PPP2R2B: variants seen among roughly 807,000 people sequenced by gnomAD.
PPP2R2B encodes serine/threonine-protein phosphatase 2A 55 kDa regulatory subunit B beta isoform.
A neutral mutation model predicts 46.0 loss-of-function variants in PPP2R2B; 5 were observed. The observed-to-expected ratio is 0.11, with a 90% CI of 0.06 to 0.23. The LOEUF (loss-of-function observed/expected upper bound fraction) is 0.23. PPP2R2B is among the 10% of genes least tolerant of loss of function. The pLI is 1.00. For missense variants in PPP2R2B, 367 were observed against 575.0 expected, an observed-to-expected ratio of 0.64 and a Z score of 3.70; for synonymous variants, 215 against 206.7, an observed-to-expected ratio of 1.04 and a Z score of -0.34.
chr5:146,670,512 T>TTTAC (rs1167002567), intron 5 of PPP2R2B, among the ~76,000 whole-genome samples: 1 of 150,352 alleles, frequency 6.7e-6, no homozygotes, highest in Non-Finnish European at 1.5e-5. Context: ...TATTTATTTA[T>TTTAC]TGAGACAGAA....
chr5:146,935,858 T>C (rs1764122695), intron 1 of PPP2R2B, among the ~76,000 whole-genome samples: 1 of 152,292 alleles, frequency 6.6e-6, no homozygotes, highest in South Asian at 2.1e-4. Flanking sequence ...TGGACTCAGA[T>C]AGAGCTGGGT....
chr5:146,842,962 G>A lies in PPP2R2B; in HGVS notation c.70+35040C>T, dbSNP rs150255514. On this transcript the variant is annotated intron_variant, in intron 2 of 9. Coordinates refer to ENST00000394411, the MANE Select transcript of PPP2R2B (RefSeq NM_181675.4). ...CCAGAACTTTGGGAGGCCGAGGCGG[G>A]TGGATCACCTCAGGTCAGGATTTTG... Among the ~76,000 whole-genome samples the A allele has an allele frequency of 6.8e-3, 1,034 of 152,370 alleles. 13 individuals are homozygous for A. The highest frequency in any genetic ancestry group is 0.024 in the African/African-American group (985 of 41,598).
intron 1 of PPP2R2B, among the ~76,000 whole-genome samples, chr5:146,947,631 C>A (rs1166563822): frequency 2.0e-5 from 3 of 151,930 alleles, no homozygotes; most frequent in African/African-American, 7.2e-5. Flanking sequence ...CTGGGGCCAG[C>A]CCTATTTTGT....
intron 7 of PPP2R2B, among the ~76,000 whole-genome samples, chr5:146,618,442 G>T (rs116724959): frequency 6.6e-6 from 1 of 152,206 alleles, no homozygotes; most frequent in Non-Finnish European, 1.5e-5. Flanking sequence ...CTGTAAGGAC[G>T]TTAATCAATT....
chr5:146,877,237 G>A (rs952207632), intron 2 of PPP2R2B, among the ~76,000 whole-genome samples: 3 of 152,170 alleles, frequency 2.0e-5, no homozygotes, highest in African/African-American at 7.2e-5. Flanking sequence ...GCTTATGTCA[G>A]AACAAGCTGG....
intron 1 of PPP2R2B, among the ~76,000 whole-genome samples, chr5:146,888,231 GA>G (rs1311596738): frequency 2.0e-5 from 3 of 152,002 alleles, no homozygotes; most frequent in Non-Finnish European, 4.4e-5. Flanking sequence ...CCTCTCCCCA[GA>G]CCTCCAGAGC....
At chr5:146,619,549 C>G (rs1773502724) in intron 7 of PPP2R2B, among the ~76,000 whole-genome samples, 1 of 152,188 alleles carries the variant, frequency 6.6e-6, no homozygotes, top group African/African-American at 2.4e-5. Flanking sequence ...AAATGGGGCT[C>G]CAGCACAGCC....
intron 1 of PPP2R2B, among the ~76,000 whole-genome samples, chr5:146,992,923 G>A (rs1038858771): frequency 5.3e-5 from 8 of 152,114 alleles, no homozygotes; most frequent in Non-Finnish European, 2.9e-5. Context: ...CTTTATTCTG[G>A]TGATGAAAAA....
intron 2 of PPP2R2B, among the ~76,000 whole-genome samples, chr5:146,723,138 C>G (rs755559596): frequency 6.6e-6 from 1 of 152,176 alleles, no homozygotes; most frequent in Non-Finnish European, 1.5e-5. Context: ...TATTTGTTGG[C>G]CTCCTCATTG....
chr5:146,878,297 C>G lies in PPP2R2B; in HGVS notation c.-124-102G>C. 3 of 1,455,934 alleles carry G rather than the reference C, an allele frequency of 2.1e-6. No individual in the cohort carries two copies. The highest frequency in any genetic ancestry group is 2.7e-6 in the Non-Finnish European group (3 of 1,109,960). The allele number at this position is 1,455,934 out of a possible 1,614,324, so 90.2% of individuals were successfully genotyped here. On this transcript the variant is annotated intron_variant, in intron 1 of 9. Transcript: ENST00000394411. This position sits in a 1 kb window ranked among gnomAD's most constrained non-coding sequence, Gnocchi z 4.5. ...TCTGCGAGGCTGCGGCGGCTCCTCC[C>G]GCGCGGTGCGCTCACTCCAGCTCCA...
intron 2 of PPP2R2B, among the ~76,000 whole-genome samples, chr5:146,853,106 C>A (rs1273172221): frequency 6.6e-6 from 1 of 152,024 alleles, no homozygotes; most frequent in Non-Finnish European, 1.5e-5. Flanking sequence ...AGGAGCAAAC[C>A]CATGGTCCAA....
At chr5:146,926,439 G>A (rs1254100847) in intron 1 of PPP2R2B, among the ~76,000 whole-genome samples, 1 of 151,796 alleles carries the variant, frequency 6.6e-6, no homozygotes, top group Non-Finnish European at 1.5e-5. Context: ...GTGTCACCCA[G>A]GCAGTGCAGT....
At chr5:147,045,153 A>C (rs1307986962) in intron 1 of PPP2R2B, among the ~76,000 whole-genome samples, 1 of 152,200 alleles carries the variant, frequency 6.6e-6, no homozygotes, top group Admixed American at 6.5e-5. Flanking sequence ...ACAACTCTAC[A>C]TAATGTAACA....
chr5:146,739,887 A>C (rs913641840), intron 2 of PPP2R2B, among the ~76,000 whole-genome samples: 3 of 152,210 alleles, frequency 2.0e-5, no homozygotes, highest in Non-Finnish European at 4.4e-5. Context: ...AATCCTTTGT[A>C]GATTTGAGGG....
intron 1 of PPP2R2B, among the ~76,000 whole-genome samples, chr5:146,893,711 T>C (rs989458045): frequency 6.6e-6 from 1 of 151,938 alleles, no homozygotes; most frequent in Non-Finnish European, 1.5e-5. Flanking sequence ...CCAGAGGCTG[T>C]CAGTGGGTGG....
intron 1 of PPP2R2B, among the ~76,000 whole-genome samples, chr5:146,960,773 A>G (rs1752136170): frequency 6.6e-6 from 1 of 152,196 alleles, no homozygotes; most frequent in Non-Finnish European, 1.5e-5. Context: ...GAGGAAAAGT[A>G]GTAACTTTTA....
intron 2 of PPP2R2B, among the ~76,000 whole-genome samples, chr5:146,836,094 T>A (rs1759266025): frequency 1.3e-5 from 2 of 152,224 alleles, no homozygotes; most frequent in South Asian, 4.1e-4. Flanking sequence ...TATTACTTTA[T>A]CTTATCATTT....
chr5:146,641,714 C>T (rs1775234407), intron 6 of PPP2R2B, among the ~76,000 whole-genome samples: 2 of 152,084 alleles, frequency 1.3e-5, no homozygotes, highest in African/African-American at 4.8e-5. Context: ...TTCCCCTGCA[C>T]AACTCTAAAG....
At chr5:146,800,739 G>C (rs1756812476) in intron 2 of PPP2R2B, among the ~76,000 whole-genome samples, 1 of 151,940 alleles carries the variant, frequency 6.6e-6, no homozygotes, top group Admixed American at 6.6e-5. Flanking sequence ...CTTGGATGGG[G>C]TAGGAATGAC....
Sources: gnomAD v4.1 joint callset for allele counts (sites outside exome capture counted in the v4.1 genomes callset) on GRCh38, gnomAD v4.1.1 for gene constraint, Gnocchi (gnomAD v3.1) non-coding constraint, MANE v1.5 for transcripts, NCBI Gene and HGNC (gene_info 2026-07-23, HGNC 2026-07-21) for gene names.